DSE: variants seen among roughly 807,000 people sequenced by gnomAD.
DSE encodes the protein dermatan-sulfate epimerase.
A neutral mutation model predicts 84.4 loss-of-function variants in DSE; 36 were observed. The ratio of observed to expected loss-of-function variants is 0.43; its 90% CI spans 0.33 to 0.56. The LOEUF is 0.56. Among genes scored for constraint, DSE ranks in the 20% least tolerant of loss-of-function variants. The pLI is 0.06. For missense variants in DSE, 862 were observed against 1,169.6 expected (o/e 0.74, Z 3.84); for synonymous variants, 410 against 430.1 (o/e 0.95, Z 0.58).
Position 116,375,897 on chromosome 6 carries a change from G to A in DSE, c.-54+4776G>A, listed in dbSNP as rs142033219. Among the ~76,000 whole-genome samples the A allele has an allele frequency of 7.0e-3, 1,067 of 152,194 alleles. 23 individuals are homozygous for A. Among genetic ancestry groups the A allele is most frequent in the South Asian group, 0.056 (270 of 4,826 alleles). ...CTAGTGTCTTACCCTCATTTTAGGG[G>A]TATGGAAATGGAAATACTAAAGGTA... is the stretch of plus-strand genomic sequence containing the variant. On this transcript the variant is annotated intron_variant, in intron 1 of 5. Coordinates refer to ENST00000644252, the MANE Select transcript of DSE (RefSeq NM_013352.4).
intron 2 of DSE, among the ~76,000 whole-genome samples, chr6:116,268,370 G>A (rs944778159): frequency 3.3e-5 from 5 of 152,164 alleles, no homozygotes; most frequent in Non-Finnish European, 7.3e-5. Flanking sequence ...TGTGTAGTAG[G>A]CTATAGCATT....
At chr6:116,300,675 C>A (rs1480407019) in intron 2 of DSE, among the ~76,000 whole-genome samples, 2 of 152,210 alleles carry the variant, frequency 1.3e-5, no homozygotes, top group East Asian at 1.9e-4. Context: ...TGTCAAAGAA[C>A]TATTGTCCTT....
intron 2 of DSE, among the ~76,000 whole-genome samples, chr6:116,324,514 A>C (rs1006169018): frequency 6.6e-6 from 1 of 152,212 alleles, no homozygotes; most frequent in East Asian, 1.9e-4. Flanking sequence ...TCATCAACAC[A>C]AAGGACAGGG....
chr6:116,293,338 C>A (rs1016025700), intron 2 of DSE, among the ~76,000 whole-genome samples: 1 of 149,458 alleles, frequency 6.7e-6, no homozygotes, highest in Non-Finnish European at 1.5e-5. Flanking sequence ...GTGGCGTGAT[C>A]TCAGCTCACT....
Position 116,436,497 on chromosome 6 carries a change from C to G in DSE, c.2029C>G (p.His677Asp). ...PSIDVQSFTV[H>D]GDSQQLDVFI... ...TATAGATGTTCAGAGCTTCACTGTC[C>G]ACGGAGACTCTCAGCAACTGGATGT... Residue 677 changes from histidine to aspartate, a missense_variant, in exon 6 of 6, where the codon CAC becomes GAC. Physicochemically the swap from His to Asp is moderately conservative, Grantham distance 81. Around this residue, in one of 4 missense-constraint regions of DSE, gnomAD observed 315 missense variants for 348.1 expected, o/e 0.90. Transcript: ENST00000644252. 6.2e-7 allele frequency: 1 copy of G among 1,614,118 alleles called. No individual in the cohort carries two copies. Among genetic ancestry groups the G allele is most frequent in the Non-Finnish European group, 8.5e-7 (1 of 1,179,998 alleles).
intron 2 of DSE, among the ~76,000 whole-genome samples, chr6:116,289,343 C>G (rs917879437): frequency 3.9e-5 from 6 of 152,034 alleles, no homozygotes; most frequent in African/African-American, 1.4e-4. Context: ...TTGTTTGTTA[C>G]TATACCAAAA....
chr6:116,416,035 T>C (rs565922246), intron 2 of DSE, among the ~76,000 whole-genome samples: 22 of 152,332 alleles, frequency 1.4e-4, no homozygotes, highest in African/African-American at 5.3e-4. Flanking sequence ...TTTGCCTTTT[T>C]CTAGCTTTTG....
chr6:116,317,458 A>G (rs1776049695), intron 2 of DSE, among the ~76,000 whole-genome samples: 1 of 152,230 alleles, frequency 6.6e-6, no homozygotes, highest in Non-Finnish European at 1.5e-5. Context: ...TTCTCTTTAC[A>G]CATTCTTTAA....
rs189113232 is a variant in DSE at position 116,438,847 on chromosome 6, T to A, written c.*1502T>A. On this transcript the variant is annotated 3_prime_UTR_variant, in exon 6 of 6. Transcript: ENST00000644252. Reference sequence around the variant, plus strand: ...TAAGTACCTTTCTGCAGTTCTAATTTGAACCTTCTTGCATAAAGAAAACAC... The same window carrying A: ...TAAGTACCTTTCTGCAGTTCTAATTAGAACCTTCTTGCATAAAGAAAACAC... 2 of 152,336 alleles carry A rather than the reference T, an allele frequency of 1.3e-5. No individual in the cohort carries two copies. The allele number at this position is 152,336 out of a possible 1,614,324, so 9.4% of individuals were successfully genotyped here.
In DSE at chr6:116,399,440, C is replaced by T. The variant is rs747821151; in HGVS notation, c.190C>T (p.His64Tyr). Residue 64 changes from histidine to tyrosine, a missense_variant, in exon 2 of 6, where the codon CAC becomes TAC. Physicochemically the swap from His to Tyr is moderately conservative, Grantham distance 83 (BLOSUM62 2). Around this residue, in one of 4 missense-constraint regions of DSE, gnomAD observed 309 missense variants for 516.9 expected, o/e 0.60. Coordinates refer to ENST00000644252, the MANE Select transcript of DSE (RefSeq NM_013352.4). ...GCTGCAGCTCAGGGCTGCCAGCTCGCACGAGCACATTGCAGCCCGCCTCAC... is the reference window on the plus strand; with the variant it reads ...GCTGCAGCTCAGGGCTGCCAGCTCGTACGAGCACATTGCAGCCCGCCTCAC... ...AELQLRAASS[H>Y]EHIAARLTEA... The T allele has an allele frequency of 6.2e-7, 1 of 1,614,094 alleles. No individual in the cohort carries two copies. Among genetic ancestry groups the T allele is most frequent in the African/African-American group, 1.3e-5 (1 of 74,924 alleles).
intron 2 of DSE, among the ~76,000 whole-genome samples, chr6:116,269,993 A>C (rs948078656): frequency 6.6e-6 from 1 of 152,048 alleles, no homozygotes; most frequent in Non-Finnish European, 1.5e-5. Flanking sequence ...AAGATGAAGA[A>C]GACACAGTCT....
At chr6:116,277,093 G>C (rs1773176922) in intron 2 of DSE, 1 of 152,206 alleles carries the variant, frequency 6.6e-6, no homozygotes, top group Non-Finnish European at 1.5e-5. Context: ...GTTCCCAATT[G>C]AAATCAAAAG....
upstream of DSE, among the ~76,000 whole-genome samples, chr6:116,369,469 AT>A (rs1779377062): frequency 6.6e-6 from 1 of 152,212 alleles, no homozygotes; most frequent in Non-Finnish European, 1.5e-5. Context: ...AACATTAGCT[AT>A]TTTTATTATA....
intron 2 of DSE, among the ~76,000 whole-genome samples, chr6:116,264,334 C>G (rs1192102840): frequency 6.6e-6 from 1 of 151,984 alleles, no homozygotes; most frequent in Non-Finnish European, 1.5e-5. Context: ...AGCCAGTCTT[C>G]AATCTCTGAG....
At chr6:116,299,760 A>C (rs1003975248) in intron 2 of DSE, among the ~76,000 whole-genome samples, 3 of 151,902 alleles carry the variant, frequency 2.0e-5, no homozygotes, top group African/African-American at 2.4e-5. Flanking sequence ...AGGCCAAGAT[A>C]ACTTTTTAGG....
chr6:116,426,587 G>T lies in DSE; in HGVS notation c.430G>T (p.Ala144Ser). 1 of 1,613,248 alleles carries T rather than the reference G, an allele frequency of 6.2e-7. No homozygotes were observed. Among genetic ancestry groups the T allele is most frequent in the Non-Finnish European group, 8.5e-7 (1 of 1,179,318 alleles). ...AAQPSWLVKDAPWDEVPLAHS... is the reference protein window; with the variant it reads ...AAQPSWLVKDSPWDEVPLAHS... ...TTTCCTTTACAGGTTGGTGAAAGATGCTCCTTGGGATGAGGTCCCGCTTGC... is the reference window on the plus strand; with the variant it reads ...TTTCCTTTACAGGTTGGTGAAAGATTCTCCTTGGGATGAGGTCCCGCTTGC... The change falls in exon 3 of 6, where the codon GCT (alanine) becomes TCT (serine). Residue 144 changes from alanine (A) to serine (S), a missense_variant. This residue lies in a region of DSE where 309 missense variants were observed against 516.9 expected (regional missense o/e 0.60). Transcript: ENST00000644252.
intron 2 of DSE, among the ~76,000 whole-genome samples, chr6:116,265,089 GTGCTAGCAGGTGCCA>G (rs1772568391): frequency 6.6e-6 from 1 of 152,200 alleles, no homozygotes; most frequent in Non-Finnish European, 1.5e-5. Context: ...CTGCAGCAGA[GTGCTAGCAGGTGCCA>G]TGCTAGCAGG....
intron 2 of DSE, among the ~76,000 whole-genome samples, chr6:116,284,667 C>T (rs1773763829): frequency 1.6e-5 from 2 of 121,542 alleles, no homozygotes; most frequent in African/African-American, 3.1e-5. Context: ...CCCCCCTCCC[C>T]CCTCCCCCAA....
chr6:116,274,719 A>T (rs1388209692), intron 2 of DSE, among the ~76,000 whole-genome samples: 1 of 152,252 alleles, frequency 6.6e-6, no homozygotes, highest in Non-Finnish European at 1.5e-5. Context: ...GTTGCACAGT[A>T]CATTTTGCAA....
Sources: gnomAD v4.1 joint callset for allele counts (sites outside exome capture counted in the v4.1 genomes callset) on GRCh38, gnomAD v4.1.1 for gene constraint, gnomAD v4.1.1 regional missense constraint, MANE v1.5 for transcripts, NCBI Gene and HGNC (gene_info 2026-07-23, HGNC 2026-07-21) for gene names.